The following CCDC63 variants were observed in gnomAD, a reference collection of about 807,000 sequenced individuals.
The protein encoded by CCDC63 is coiled-coil domain-containing protein 63.
CCDC63 carries 54 observed loss-of-function variants against 63.6 expected under a neutral mutation model. The ratio of observed to expected loss-of-function variants is 0.85; its 90% CI spans 0.68 to 1.07. The LOEUF (loss-of-function observed/expected upper bound fraction) is 1.07. Ranked by LOEUF, CCDC63 falls within the 50% of genes least tolerant of loss-of-function variation. The pLI is 0.00. For missense variants in CCDC63, 637 were observed against 689.6 expected (o/e 0.92, Z 0.86); for synonymous variants, 253 against 266.1 (o/e 0.95, Z 0.48).
At chr12:110,857,212 C>T (rs1448175323) in intron 3 of CCDC63, among the ~76,000 whole-genome samples, 2 of 151,942 alleles carry the variant, frequency 1.3e-5, no homozygotes, top group South Asian at 2.1e-4. Flanking sequence ...CTGCAACCTC[C>T]GCCTCCCGGG....
At chr12:110,845,959 C>CAAAAAAAA (rs34690976), upstream of CCDC63, 47 of 95,990 alleles carry the variant, frequency 4.9e-4, no homozygotes, top group Non-Finnish European at 7.0e-4. Flanking sequence ...AGTAGAAATA[C>CAAAAAAAA]AAAAAAAAAA....
At position 110,847,504 on chromosome 12, in the gene CCDC63, G is replaced by A. The variant is rs539818781; in HGVS notation, c.-97+399G>A. On this transcript the variant is annotated intron_variant, in intron 1 of 11. Transcript: ENST00000308208. ...GGGAAGGTTGAGGCTGCAGTGAGCC[G>A]AGATTGAACCACTGCACGCTAGCCT... 3.3e-5 allele frequency among the ~76,000 whole-genome samples: 5 copies of A among 151,466 alleles called. No homozygotes were observed. The South Asian group carries it at 1.0e-3, about 32-fold the overall frequency.
intron 9 of CCDC63, among the ~76,000 whole-genome samples, chr12:110,898,327 T>C (rs1393513442): frequency 6.8e-6 from 1 of 146,010 alleles, no homozygotes; most frequent in Non-Finnish European, 1.5e-5. Context: ...CAACAGCTTT[T>C]AAAAAATATT....
At position 110,877,704 on chromosome 12, in the gene CCDC63, C is replaced by CTTTTTTTTTTTTTTTTTTTTTT. The variant is rs869085659; in HGVS notation, c.490-2199_490-2198insTTTTTTTTTTTTTTTTTTTTTT. On this transcript the variant is annotated intron_variant, in intron 5 of 11. Transcript: ENST00000308208. ...TATCTCTGTATATTTGACTTTCTTTCTTTCTTTTTTTTTTTTTTTGAGACT... is the reference window on the plus strand; with the variant it reads ...TATCTCTGTATATTTGACTTTCTTTCTTTTTTTTTTTTTTTTTTTTTTTTTCTTTTTTTTTTTTTTTGAGACT... 1.4e-5 allele frequency among the ~76,000 whole-genome samples: 2 copies of CTTTTTTTTTTTTTTTTTTTTTT among 142,908 alleles called. 1 individual carries two copies. 93.8% of individuals were successfully genotyped at this position (142,908 alleles called of 152,430 possible). A position where few individuals can be genotyped will look rare whatever the true frequency, so the allele number is the denominator to read the frequency against.
chr12:110,881,273 AG>A lies in CCDC63; in HGVS notation c.832del (p.Glu278SerfsTer34). The A allele has an allele frequency of 6.2e-7, 1 of 1,613,624 alleles. No individual in the cohort carries two copies. ...LVKLNDRNEF[E>X]EQAKREEALK... Reference sequence around the variant, plus strand: ...AAGCTGAATGATCGCAATGAATTCGAGGAGCAGGCCAAAAGGGAGGAAGGTA... The same window carrying A: ...AAGCTGAATGATCGCAATGAATTCGAGAGCAGGCCAAAAGGGAGGAAGGTA... On this transcript the variant is annotated frameshift_variant, in exon 7 of 12. Coordinates refer to ENST00000308208, the MANE Select transcript of CCDC63 (RefSeq NM_152591.3). LOFTEE classifies it high-confidence loss of function.
intron 4 of CCDC63, among the ~76,000 whole-genome samples, chr12:110,866,925 G>A (rs1593654432): frequency 6.9e-6 from 1 of 144,804 alleles, no homozygotes; most frequent in African/African-American, 2.5e-5. Flanking sequence ...CCTCCGGGAC[G>A]GGGCGGCTGG....
intron 3 of CCDC63, among the ~76,000 whole-genome samples, chr12:110,857,279 C>A (rs913993505): frequency 2.7e-5 from 4 of 147,608 alleles, no homozygotes; most frequent in African/African-American, 7.4e-5. Flanking sequence ...GCGCCCACCA[C>A]CCCCCCCGGC....
Position 110,852,929 on chromosome 12 carries a change from T to G in CCDC63, c.-26T>G. The G allele has an allele frequency of 6.2e-7, 1 of 1,614,014 alleles. No homozygotes were observed. The highest frequency in any genetic ancestry group is 1.1e-5 in the South Asian group (1 of 91,074). On this transcript the variant is annotated 5_prime_UTR_variant, in exon 2 of 12. Transcript: ENST00000308208. ...GAGCTCTCTGGGTACAGTGTCTGAG[T>G]GGAGGCAAAGTGCGGTTCCTTCAAG... is the stretch of plus-strand genomic sequence containing the variant.
chr12:110,877,329 C>T (rs2071143764), intron 5 of CCDC63, among the ~76,000 whole-genome samples: 4 of 151,850 alleles, frequency 2.6e-5, no homozygotes, highest in African/African-American at 7.3e-5. Context: ...CCTCCTGCCT[C>T]AGCCTCCCGA....
upstream of CCDC63, among the ~76,000 whole-genome samples, chr12:110,846,524 C>G (rs529479119): frequency 5.3e-5 from 8 of 152,138 alleles, no homozygotes; most frequent in African/African-American, 1.4e-4. Flanking sequence ...CTTTCCCCCC[C>G]CGCCCCAACA....
intron 10 of CCDC63, among the ~76,000 whole-genome samples, chr12:110,902,850 T>G (rs960188115): frequency 2.0e-5 from 3 of 151,586 alleles, no homozygotes; most frequent in Non-Finnish European, 4.4e-5. Context: ...CCCGAGTAGC[T>G]GGGATTACAG....
intron 4 of CCDC63, among the ~76,000 whole-genome samples, chr12:110,868,672 T>G (rs2071013235): frequency 1.4e-5 from 2 of 147,100 alleles, no homozygotes; most frequent in Admixed American, 1.4e-4. Context: ...ATGGCAGCAG[T>G]ACAGTCCAGC....
At position 110,904,722 on chromosome 12, in the gene CCDC63, C is replaced by A; in HGVS notation, c.1477C>A (p.Pro493Thr). Residue 493 changes from proline (P) to threonine (T), a missense_variant, in exon 11 of 12, where the codon CCC becomes ACC. Physicochemically the swap from Pro to Thr is conservative, Grantham distance 38. Transcript: ENST00000308208. ...PFWGGSALLKPPEPIKVIPPV... is the reference protein window; with the variant it reads ...PFWGGSALLKTPEPIKVIPPV... ...CTGGGGTGGCTCTGCCCTCCTCAAG[C>A]CCCCAGAACCCATCAAAGTCATCCC... 1 of 1,614,034 alleles carries A rather than the reference C, an allele frequency of 6.2e-7. No homozygotes were observed. Among genetic ancestry groups the A allele is most frequent in the South Asian group, 1.1e-5 (1 of 91,072 alleles).
intron 4 of CCDC63, among the ~76,000 whole-genome samples, chr12:110,859,416 C>T (rs1485136562): frequency 2.6e-5 from 4 of 151,998 alleles, no homozygotes; most frequent in Non-Finnish European, 5.9e-5. Flanking sequence ...AAGTGATTCT[C>T]ATGCCTCAGC....
intron 4 of CCDC63, among the ~76,000 whole-genome samples, chr12:110,866,572 C>G (rs930931789): frequency 6.8e-6 from 1 of 147,696 alleles, no homozygotes; most frequent in African/African-American, 2.5e-5. Flanking sequence ...CATCTTGCAC[C>G]GCCCTTAATC....
chr12:110,896,397 C>A lies in CCDC63; in HGVS notation c.1150-2536C>A, dbSNP rs547121909. 6.6e-5 allele frequency among the ~76,000 whole-genome samples: 10 copies of A among 152,310 alleles called. No homozygotes were observed. The South Asian group carries it at 1.9e-3, about 28-fold the overall frequency. ...CTAGTAGCCGGGTGGAGGAAGCCAC[C>A]TGATGTGCTGGTTGAGAGACTGAGC... On this transcript the variant is annotated intron_variant, in intron 9 of 11. Coordinates refer to ENST00000308208, the MANE Select transcript of CCDC63 (RefSeq NM_152591.3).
intron 5 of CCDC63, among the ~76,000 whole-genome samples, chr12:110,876,508 G>A (rs2071132113): frequency 6.6e-6 from 1 of 152,100 alleles, no homozygotes; most frequent in African/African-American, 2.4e-5. Flanking sequence ...GGAAACACAG[G>A]GCTGGCACCT....
chr12:110,870,651 A>G (rs1296796145), intron 4 of CCDC63, among the ~76,000 whole-genome samples: 1 of 151,266 alleles, frequency 6.6e-6, no homozygotes, highest in Non-Finnish European at 1.5e-5. Flanking sequence ...ATGAGGCCAG[A>G]CCCCATCCTG....
intron 7 of CCDC63, among the ~76,000 whole-genome samples, chr12:110,882,349 A>G (rs536057964): frequency 3.4e-4 from 52 of 152,076 alleles, no homozygotes; most frequent in African/African-American, 1.1e-3. Context: ...CCATCTCTAC[A>G]ATGAATAAAA....
Sources: allele counts gnomAD v4.1 joint callset (sites outside exome capture counted in the v4.1 genomes callset), GRCh38; gene constraint gnomAD v4.1.1; transcripts MANE v1.5; gene names NCBI Gene and HGNC (gene_info 2026-07-23, HGNC 2026-07-21).